NAV1: variants seen among roughly 807,000 people sequenced by gnomAD.
The protein encoded by NAV1 is neuron navigator 1, also known as pore membrane and/or filament interacting like protein 3.
In NAV1, 18 loss-of-function variants were observed where a neutral mutation model predicts 175.2. That is an observed-to-expected ratio of 0.10 (90% CI 0.07 to 0.15). NAV1 has a LOEUF of 0.15. Among genes scored for constraint, NAV1 ranks in the 10% least tolerant of loss-of-function variants. The probability of loss-of-function intolerance (pLI) is 1.00; values close to 1 mark genes in which losing one functional copy is unlikely to be tolerated. For missense variants in NAV1, 1,731 were observed against 2,436.6 expected (o/e 0.71, Z 6.10); for synonymous variants, 897 against 978.7 (o/e 0.92, Z 1.56).
intron 1 of NAV1, among the ~76,000 whole-genome samples, chr1:201,707,469 A>C (rs2102458562): frequency 6.6e-6 from 1 of 152,348 alleles, no homozygotes; most frequent in African/African-American, 2.4e-5. Flanking sequence ...AACTGCAGTG[A>C]GGTGAGATGA....
At position 201,663,694 on chromosome 1, in the gene NAV1, A is replaced by G. The variant is rs1016469991; in HGVS notation, c.757+14269A>G. Among the ~76,000 whole-genome samples, 20 of 152,154 alleles carry G rather than the reference A, an allele frequency of 1.3e-4. 1 individual carries two copies. Among genetic ancestry groups the G allele is most frequent in the Non-Finnish European group, 1.5e-5 (1 of 68,022 alleles). ...GTTCCTTCTCTTCTCTCATGGGGGA[A>G]CAGGTGGATGGGCTTGGTGCTGATC... On this transcript the variant is annotated intron_variant, in intron 1 of 29. Transcript: ENST00000367296.
intron 3 of NAV1, among the ~76,000 whole-genome samples, chr1:201,773,032 CAAA>C (rs5780087): frequency 3.1e-5 from 3 of 97,670 alleles, no homozygotes; most frequent in Non-Finnish European, 4.4e-5. Flanking sequence ...GATTCCATCT[CAAA>C]AAAAAAAAAA....
chr1:201,601,035 G>A (rs1490174366), intron 2 of NAV1, among the ~76,000 whole-genome samples: 1 of 152,208 alleles, frequency 6.6e-6, no homozygotes, highest in Non-Finnish European at 1.5e-5. Context: ...CAGACTTATG[G>A]CAGCCATAGC....
chr1:201,772,079 G>A (rs138439408), intron 3 of NAV1, among the ~76,000 whole-genome samples: 12 of 152,322 alleles, frequency 7.9e-5, no homozygotes, highest in African/African-American at 2.2e-4. Context: ...TGAGGGGTAC[G>A]AAGAAGCATA....
At chr1:201,732,882 C>A (rs1339562988) in intron 3 of NAV1, among the ~76,000 whole-genome samples, 1 of 151,760 alleles carries the variant, frequency 6.6e-6, no homozygotes, top group Non-Finnish European at 1.5e-5. Flanking sequence ...ACCAGCCTGG[C>A]CAACATGGCG....
At chr1:201,592,645 G>A (rs1385444882) in intron 2 of NAV1, among the ~76,000 whole-genome samples, 1 of 152,048 alleles carries the variant, frequency 6.6e-6, no homozygotes, top group Non-Finnish European at 1.5e-5. Flanking sequence ...GGGGGGAGGT[G>A]GTCTTTGGAT....
At chr1:201,581,658 G>T (rs1020564130) in intron 1 of NAV1, among the ~76,000 whole-genome samples, 5 of 152,078 alleles carry the variant, frequency 3.3e-5, no homozygotes, top group African/African-American at 1.2e-4. Flanking sequence ...GCGAAACCCT[G>T]TCTGTACTAA....
intron 1 of NAV1, among the ~76,000 whole-genome samples, chr1:201,565,442 C>T (rs1025059168): frequency 3.9e-5 from 6 of 152,200 alleles, no homozygotes; most frequent in South Asian, 2.1e-4. Flanking sequence ...CACTCCAGGC[C>T]GAGGAGGCAC....
At chr1:201,802,340 G>A (rs1371584973) in intron 15 of NAV1, among the ~76,000 whole-genome samples, 1 of 143,790 alleles carries the variant, frequency 7.0e-6, no homozygotes, top group Non-Finnish European at 1.5e-5. Flanking sequence ...ACATTGAGGG[G>A]CTGAGCATGT....
chr1:201,645,166 G>A (rs988457601), upstream of NAV1, among the ~76,000 whole-genome samples: 2 of 151,968 alleles, frequency 1.3e-5, no homozygotes, highest in East Asian at 1.9e-4. Flanking sequence ...GTCCAACAAC[G>A]ATAGACTGGA....
At chr1:201,680,559 G>C (rs1277750493) in intron 1 of NAV1, among the ~76,000 whole-genome samples, 1 of 151,948 alleles carries the variant, frequency 6.6e-6, no homozygotes, top group African/African-American at 2.4e-5. Flanking sequence ...ACCAGATCTT[G>C]GGTGAATTAA....
At chr1:201,715,320 C>T (rs867068035) in intron 2 of NAV1, among the ~76,000 whole-genome samples, 18 of 151,906 alleles carry the variant, frequency 1.2e-4, no homozygotes, top group Non-Finnish European at 1.3e-4. Flanking sequence ...GCCACCACAC[C>T]GGCTAATTTT....
chr1:201,590,196 GA>G (rs771118134), intron 2 of NAV1, among the ~76,000 whole-genome samples: 41 of 152,270 alleles, frequency 2.7e-4, no homozygotes, highest in Non-Finnish European at 5.1e-4. Flanking sequence ...CCCGCCCAGG[GA>G]AGACAGTATC....
rs775087530 is a variant in NAV1 at position 201,808,688 on chromosome 1, C to T, written c.4039-15C>T. ...TGTCCAGTCTGCCACCCTACCCTGTCTGTTCTTGCCACAGTTGGAGGTGGA... is the reference window on the plus strand; with the variant it reads ...TGTCCAGTCTGCCACCCTACCCTGTTTGTTCTTGCCACAGTTGGAGGTGGA... On this transcript the variant is annotated splice_polypyrimidine_tract_variant and intron_variant, in intron 19 of 29. Transcript: ENST00000367296. This position sits in a 1 kb window ranked among gnomAD's most constrained non-coding sequence, Gnocchi z 5.5. The T allele has an allele frequency of 5.6e-6, 9 of 1,614,264 alleles. No individual in the cohort carries two copies. In the South Asian group the frequency reaches 8.8e-5, roughly 16 times the overall value.
At position 201,556,725 on chromosome 1, in the gene NAV1, GC is replaced by G. The variant is rs1176503237; in HGVS notation, c.-144+17388del. Among the ~76,000 whole-genome samples, 13 of 152,328 alleles carry G rather than the reference GC, an allele frequency of 8.5e-5. No homozygotes were observed. In the East Asian group the frequency reaches 1.7e-3, roughly 20 times the overall value. ...CAGCAGAGGTCTAAGGACCAGCCCT[GC>G]CCCCTCCATAGAGGCTTGCCACCAG... is the stretch of plus-strand genomic sequence containing the variant. On this transcript the variant is annotated intron_variant, in intron 1 of 33. Transcript: ENST00000685211.
At chr1:201,762,678 C>T (rs888836177) in intron 3 of NAV1, among the ~76,000 whole-genome samples, 1 of 152,248 alleles carries the variant, frequency 6.6e-6, no homozygotes. Context: ...TATTTACTAT[C>T]TGGCCAACCC....
chr1:201,759,205 C>G (rs56934373), intron 3 of NAV1, among the ~76,000 whole-genome samples: 1 of 152,124 alleles, frequency 6.6e-6, no homozygotes, highest in South Asian at 2.1e-4. Context: ...AAAATGCATG[C>G]CCTTTTGTGT....
At chr1:201,660,103 G>A (rs1240013033) in intron 1 of NAV1, among the ~76,000 whole-genome samples, 2 of 152,154 alleles carry the variant, frequency 1.3e-5, no homozygotes, top group East Asian at 3.8e-4. Flanking sequence ...CAGGGGTGGA[G>A]CATTTACAGC....
At chr1:201,626,951 G>A (rs968167690) in intron 1 of NAV1, among the ~76,000 whole-genome samples, 1 of 152,222 alleles carries the variant, frequency 6.6e-6, no homozygotes, top group Non-Finnish European at 1.5e-5. Flanking sequence ...AGAGCTGACT[G>A]AAATTAGAGA....
Sources: gnomAD v4.1 joint callset for allele counts (sites outside exome capture counted in the v4.1 genomes callset) on GRCh38, gnomAD v4.1.1 for gene constraint, Gnocchi (gnomAD v3.1) non-coding constraint, MANE v1.5 for transcripts, NCBI Gene and HGNC (gene_info 2026-07-23, HGNC 2026-07-21) for gene names.